Variants in ZNF487 observed in about 807,000 individuals in gnomAD.
The protein encoded by ZNF487 is zinc finger protein 487.
In ZNF487, 4 loss-of-function variants were observed where a neutral mutation model predicts 3.0. The observed-to-expected ratio is 1.35, with a 90% confidence interval of 0.66 to 3.08. ZNF487 has a LOEUF of 3.08. Ranked by LOEUF, ZNF487 falls within the 30% of genes most tolerant of loss-of-function variation. ZNF487 has a pLI of 0.01. For synonymous variants in ZNF487, 55 were observed against 34.6 expected, an observed-to-expected ratio of 1.59 and a Z score of -2.06; for missense variants, 146 against 98.7, an observed-to-expected ratio of 1.48 and a Z score of -2.03.
intron 3 of ZNF487, among the ~76,000 whole-genome samples, chr10:43,479,894 G>A (rs760460929): frequency 5.3e-5 from 8 of 151,994 alleles, no homozygotes; most frequent in Non-Finnish European, 1.0e-4. Context: ...GACCTCAGGT[G>A]ATCCTCCTGC....
rs372625933 is a variant in ZNF487 at position 43,445,637 on chromosome 10, CT to C, written c.-94+8388del. On this transcript the variant is annotated intron_variant, in intron 1 of 3. Coordinates refer to ENST00000437590, the MANE Select transcript of ZNF487 (RefSeq NM_001355444.3). ...AATGGGCCATGAATTATGACATTTT[CT>C]TTTTTTTTTTTTGATCCTCAAAAAT... Among the ~76,000 whole-genome samples the C allele has an allele frequency of 4.3e-3, 576 of 134,668 alleles. 2 individuals carry two copies. Among genetic ancestry groups the C allele is most frequent in the African/African-American group, 4.4e-3 (169 of 38,152 alleles). The allele number at this position is 134,668 out of a possible 152,430, so 88.3% of individuals were successfully genotyped here. A position where few individuals can be genotyped will look rare whatever the true frequency, so the allele number is the denominator to read the frequency against.
At chr10:43,509,413 A>C in the ZNF487 span, among the ~76,000 whole-genome samples, 74 of 150,264 alleles carry the variant, frequency 4.9e-4, no homozygotes, top group African/African-American at 1.8e-3. Flanking sequence ...GCTATTGTAG[A>C]TTTGGCTTGT....
chr10:43,448,134 T>G (rs1300260448), intron 1 of ZNF487, among the ~76,000 whole-genome samples: 1 of 151,674 alleles, frequency 6.6e-6, no homozygotes, highest in Non-Finnish European at 1.5e-5. Context: ...GGACTATAGG[T>G]GCCTGCCATC....
intron 1 of ZNF487, among the ~76,000 whole-genome samples, chr10:43,462,782 A>G (rs370418824): frequency 1.0e-4 from 14 of 133,604 alleles, no homozygotes; most frequent in Middle Eastern, 4.5e-3. Context: ...TTTTTTTTAT[A>G]AATAGAGATA....
intron 1 of ZNF487, among the ~76,000 whole-genome samples, chr10:43,472,358 A>G (rs569476584): frequency 1.3e-5 from 2 of 152,190 alleles, no homozygotes; most frequent in Admixed American, 1.3e-4. Context: ...ACCCCTTGGA[A>G]TTATTTTTGA....
At chr10:43,494,049 A>T in the ZNF487 span, among the ~76,000 whole-genome samples, 6 of 151,206 alleles carry the variant, frequency 4.0e-5, no homozygotes, top group Non-Finnish European at 7.4e-5. Context: ...AAAAAAAAAA[A>T]CTAAAATAAA....
chr10:43,520,070 T>C, the ZNF487 span, among the ~76,000 whole-genome samples: 2 of 152,224 alleles, frequency 1.3e-5, no homozygotes, highest in East Asian at 3.8e-4. Flanking sequence ...TGCTATTTTT[T>C]TGTGTGAAAT....
At chr10:43,462,891 C>T (rs1273170111) in intron 1 of ZNF487, among the ~76,000 whole-genome samples, 1 of 151,848 alleles carries the variant, frequency 6.6e-6, no homozygotes, top group Non-Finnish European at 1.5e-5. Context: ...TGCCTCAGCC[C>T]CCTGAGTAGC....
intron 1 of ZNF487, among the ~76,000 whole-genome samples, chr10:43,465,114 CG>C (rs1469181522): frequency 7.2e-6 from 1 of 138,848 alleles, no homozygotes; most frequent in Non-Finnish European, 1.6e-5. Context: ...ACCTCCCTCC[CG>C]GATGGGGCGG....
chr10:43,522,914 A>G, the ZNF487 span, among the ~76,000 whole-genome samples: 3 of 152,082 alleles, frequency 2.0e-5, no homozygotes, highest in South Asian at 6.2e-4. Flanking sequence ...TGGCAATTTT[A>G]CCTACTATTC....
intron 1 of ZNF487, among the ~76,000 whole-genome samples, chr10:43,473,299 GGAACTCCTGACCTCAGGT>G (rs1333439706): frequency 1.3e-5 from 2 of 151,212 alleles, no homozygotes; most frequent in African/African-American, 4.9e-5. Context: ...TGTTGGCCAG[GGAACTCCTGACCTCAGGT>G]GATCTGCCCA....
At chr10:43,493,709 A>AAAAAAAAT in the ZNF487 span, among the ~76,000 whole-genome samples, 4 of 43,704 alleles carry the variant, frequency 9.2e-5, no homozygotes, top group African/African-American at 3.5e-4. Context: ...AAAAAAAAAA[A>AAAAAAAAT]ATATATATAT....
At chr10:43,448,621 ACCTGGCCAAGATGGCGAAAC>A (rs1839897149) in intron 1 of ZNF487, among the ~76,000 whole-genome samples, 2 of 151,354 alleles carry the variant, frequency 1.3e-5, no homozygotes, top group South Asian at 4.2e-4. Flanking sequence ...TTTGAGACTG[ACCTGGCCAAGATGGCGAAAC>A]CCTGTCTCTA....
At chr10:43,465,873 G>A (rs928007032) in intron 1 of ZNF487, among the ~76,000 whole-genome samples, 7 of 152,172 alleles carry the variant, frequency 4.6e-5, no homozygotes, top group African/African-American at 7.2e-5. Flanking sequence ...CCGAGATCAC[G>A]CCACTGCACT....
chr10:43,450,065 C>T (rs534216630), intron 1 of ZNF487, among the ~76,000 whole-genome samples: 16 of 151,942 alleles, frequency 1.1e-4, no homozygotes, highest in Non-Finnish European at 1.8e-4. Context: ...TGTTTTGAGA[C>T]GGAGTTTTGC....
intron 1 of ZNF487, among the ~76,000 whole-genome samples, chr10:43,456,965 C>G (rs1037200728): frequency 6.6e-6 from 1 of 152,220 alleles, no homozygotes; most frequent in Non-Finnish European, 1.5e-5. Flanking sequence ...GCTTCCCATA[C>G]TATGCCAATT....
At chr10:43,484,388 C>A (rs1841452232), downstream of ZNF487, among the ~76,000 whole-genome samples, 1 of 151,820 alleles carries the variant, frequency 6.6e-6, no homozygotes, top group Admixed American at 6.6e-5. Context: ...AGGTGGATCA[C>A]CTGAGGTCAG....
At chr10:43,492,820 T>C in the ZNF487 span, among the ~76,000 whole-genome samples, 1 of 152,232 alleles carries the variant, frequency 6.6e-6, no homozygotes, top group Non-Finnish European at 1.5e-5. Flanking sequence ...AGCAGATTAA[T>C]GGATCTGTCA....
At chr10:43,498,306 G>A in the ZNF487 span, among the ~76,000 whole-genome samples, 1 of 112,806 alleles carries the variant, frequency 8.9e-6, no homozygotes, top group African/African-American at 3.5e-5. Flanking sequence ...TTTTTGAGAT[G>A]GAGTCTCTGT....
Sources: gnomAD v4.1 joint callset for allele counts (sites outside exome capture counted in the v4.1 genomes callset) on GRCh38, gnomAD v4.1.1 for gene constraint, MANE v1.5 for transcripts, NCBI Gene and HGNC (gene_info 2026-07-23, HGNC 2026-07-21) for gene names.